TLDC2: variants seen among roughly 807,000 people sequenced by gnomAD.
TLDC2 encodes the protein TLD domain-containing protein 2.
Under a neutral mutation model 27.9 loss-of-function variants are expected in TLDC2, and 23 were observed. That is an observed-to-expected ratio of 0.82 (90% CI 0.59 to 1.17). TLDC2 has a LOEUF of 1.17. Ranked by LOEUF, TLDC2 falls within the 50% of genes most tolerant of loss-of-function variation. The pLI is 0.00. For missense variants in TLDC2, 286 were observed against 273.4 expected, an observed-to-expected ratio of 1.05 and a Z score of -0.32; for synonymous variants, 124 against 107.4, an observed-to-expected ratio of 1.16 and a Z score of -0.96.
At chr20:36,879,231 C>A in intron 3 of TLDC2, 38 bp downstream of exon 3, 1 of 1,590,356 alleles carries the variant, frequency 6.3e-7, no homozygotes, top group Non-Finnish European at 8.5e-7. Context: ...GCTCTGGGGG[C>A]ACCCCACCAG....
At chr20:36,887,615 G>GC in intron 5 of TLDC2, 87 bp downstream of exon 5, 2 of 1,300,012 alleles carry the variant, frequency 1.5e-6, no homozygotes, top group Non-Finnish European at 2.2e-6. Context: ...GGCTGCCCTT[G>GC]ATGCAATGGC....
chr20:36,879,151 C>T lies in TLDC2; in HGVS notation c.300C>T (p.Cys100=), dbSNP rs1287898268. The change falls in exon 3 of 7, where the codon TGC becomes TGT. Residue 100 remains cysteine, a synonymous_variant. Coordinates refer to ENST00000217320, the MANE Select transcript of TLDC2 (RefSeq NM_080628.3). ...LQSLYRRMEG[C]SGPVLLVLRD... ...GCCTGTACCGGCGGATGGAGGGCTGCAGCGGGCCAGTGCTGCTGGTGCTCA... is the reference window on the plus strand; with the variant it reads ...GCCTGTACCGGCGGATGGAGGGCTGTAGCGGGCCAGTGCTGCTGGTGCTCA... 6.2e-7 allele frequency: 1 copy of T among 1,614,026 alleles called. No homozygotes were observed. The highest frequency in any genetic ancestry group is 1.1e-5 in the South Asian group (1 of 91,082).
chr20:36,890,486 CAG>C (rs1471867946), intron 6 of TLDC2: 2 of 147,604 alleles, frequency 1.4e-5, no homozygotes, highest in South Asian at 2.2e-4. Context: ...TTGTTTGAGA[CAG>C]AGTTTCGCTC....
chr20:36,893,413 A>T lies in TLDC2; in HGVS notation c.*569A>T, dbSNP rs1157461954. ...GAAAGACGGGATGCACTGAACCCCT[A>T]GCTTCTCTCTCGCCTGGTCCCCTCT... On this transcript the variant is annotated 3_prime_UTR_variant, in exon 7 of 7. Transcript: ENST00000217320. 4 of 379,852 alleles carry T rather than the reference A, an allele frequency of 1.1e-5. No individual in the cohort carries two copies. Among genetic ancestry groups the T allele is most frequent in the Non-Finnish European group, 1.9e-5 (4 of 206,086 alleles). The allele number at this position is 379,852 out of a possible 1,614,324, so 23.5% of individuals were successfully genotyped here. A position where few individuals can be genotyped will look rare whatever the true frequency, so the allele number is the denominator to read the frequency against.
At chr20:36,885,563 G>T (rs1989904633) in intron 4 of TLDC2, among the ~76,000 whole-genome samples, 1 of 152,132 alleles carries the variant, frequency 6.6e-6, no homozygotes, top group South Asian at 2.1e-4. Context: ...CGAGAAAGTA[G>T]AGGAGGACTT....
rs542392781 is a variant in TLDC2 at position 36,878,945 on chromosome 20, T to C, written c.190-96T>C. On this transcript the variant is annotated intron_variant, in intron 2 of 6. Coordinates refer to ENST00000217320, the MANE Select transcript of TLDC2 (RefSeq NM_080628.3). ...AACTGCTCTATCGCCTGTAAAGCAC[T>C]GTGCTGGATGCATGCTAGCTGTCCA... The C allele has an allele frequency of 3.0e-5, 47 of 1,578,714 alleles. 1 individual carries two copies. The Admixed American group carries it at 7.1e-4, about 24-fold the overall frequency.
At position 36,877,921 on chromosome 20, in the gene TLDC2, T is replaced by G. The variant is rs1989709658; in HGVS notation, c.56T>G (p.Leu19Arg). 1.2e-6 allele frequency: 2 copies of G among 1,613,538 alleles called. No individual in the cohort carries two copies. The highest frequency in any genetic ancestry group is 1.7e-6 in the Non-Finnish European group (2 of 1,179,866). The change falls in exon 2 of 7, where the codon CTG becomes CGG. Residue 19 changes from leucine to arginine, a missense_variant. Coordinates refer to ENST00000217320, the MANE Select transcript of TLDC2 (RefSeq NM_080628.3). Reference sequence around the variant, plus strand: ...CAGCCCAGCCAGGTGGAGGACACCCTGTCTGGGGAGGAGGGTAACGAAGAG... The same window carrying G: ...CAGCCCAGCCAGGTGGAGGACACCCGGTCTGGGGAGGAGGGTAACGAAGAG... ...TRLPSQVEDT[L>R]SGEEGNEEEE...
chr20:36,887,321 A>T, intron 4 of TLDC2, 134 bp from the exon 5 acceptor site: 1 of 753,336 alleles, frequency 1.3e-6, no homozygotes, highest in Non-Finnish European at 2.4e-6. Context: ...CTGAGCCCGG[A>T]GTCCCACCTG....
At position 36,889,397 on chromosome 20, in the gene TLDC2, G is replaced by A. The variant is rs1990005199; in HGVS notation, c.*11G>A. 6.2e-7 allele frequency: 1 copy of A among 1,612,650 alleles called. No homozygotes were observed. Among genetic ancestry groups the A allele is most frequent in the African/African-American group, 1.3e-5 (1 of 74,918 alleles). The stretch of plus-strand genomic sequence containing the variant: ...TGGCTTCTCAGCTGACAGCCCTGCG[G>A]CAACAGGTACTCAGCCCTGCTCATG... On this transcript the variant is annotated 3_prime_UTR_variant, in exon 6 of 7. Transcript: ENST00000217320.
intron 4 of TLDC2, among the ~76,000 whole-genome samples, chr20:36,886,748 C>A (rs35915710): frequency 0.17 from 25,671 of 152,120 alleles, 2,319 homozygotes; most frequent in Middle Eastern, 0.23. Flanking sequence ...TGCACACCAT[C>A]ACACCTAGCT....
At chr20:36,888,036 C>T (rs1252203703) in intron 5 of TLDC2, among the ~76,000 whole-genome samples, 2 of 152,128 alleles carry the variant, frequency 1.3e-5, no homozygotes, top group Non-Finnish European at 2.9e-5. Context: ...AAATTCTTTG[C>T]TCTCCCAACT....
chr20:36,889,666 A>T (rs1311591265), intron 6 of TLDC2: 2 of 301,950 alleles, frequency 6.6e-6, no homozygotes, highest in East Asian at 6.0e-5. Flanking sequence ...AGAAAAATCC[A>T]CATCTCTTCC....
At position 36,893,406 on chromosome 20, in the gene TLDC2, A is replaced by G; in HGVS notation, c.*562A>G. On this transcript the variant is annotated 3_prime_UTR_variant, in exon 7 of 7. Coordinates refer to ENST00000217320, the MANE Select transcript of TLDC2 (RefSeq NM_080628.3). Reference sequence around the variant, plus strand: ...CCCAGGAGAAAGACGGGATGCACTGAACCCCTAGCTTCTCTCTCGCCTGGT... The same window carrying G: ...CCCAGGAGAAAGACGGGATGCACTGGACCCCTAGCTTCTCTCTCGCCTGGT... The G allele has an allele frequency of 2.5e-6, 1 of 394,142 alleles. No homozygotes were observed. The highest frequency in any genetic ancestry group is 2.8e-5 in the South Asian group (1 of 35,366). The allele number at this position is 394,142 out of a possible 1,614,324, so 24.4% of individuals were successfully genotyped here.
chr20:36,876,266 T>G, intron 1 of TLDC2, 59 bp downstream of exon 1: 2 of 1,609,844 alleles, frequency 1.2e-6, no homozygotes, highest in Non-Finnish European at 1.7e-6. Context: ...GTGAGGTCTC[T>G]GGCAGGGTGG....
intron 3 of TLDC2, 75 bp from the exon 4 acceptor site, chr20:36,880,580 T>C: frequency 1.5e-6 from 2 of 1,315,828 alleles, no homozygotes; most frequent in Non-Finnish European, 2.2e-6. Context: ...CCTGTATTAC[T>C]AAACCTGAAG....
chr20:36,881,701 C>T (rs772549779), intron 4 of TLDC2, among the ~76,000 whole-genome samples: 26 of 151,898 alleles, frequency 1.7e-4, no homozygotes, highest in East Asian at 1.6e-3. Context: ...ACATGGACAA[C>T]GGAACCTAAA....
rs966345538 is a variant in TLDC2 at position 36,883,049 on chromosome 20, T to C, written c.438+2299T>C. ...CATTCCCACAGCTCTCCATGCTGCC[T>C]GTATGCTGAGGGTCTCTTCCCTGGA... On this transcript the variant is annotated intron_variant, in intron 4 of 6. Transcript: ENST00000217320. Among the ~76,000 whole-genome samples the C allele has an allele frequency of 2.6e-5, 4 of 152,274 alleles. No homozygotes were observed. In the East Asian group the frequency reaches 7.7e-4, roughly 29 times the overall value.
chr20:36,886,685 C>T (rs1989929274), intron 4 of TLDC2, among the ~76,000 whole-genome samples: 1 of 152,126 alleles, frequency 6.6e-6, no homozygotes, highest in Admixed American at 6.6e-5. Flanking sequence ...GAGGAAACTC[C>T]TGGCCTCAAG....
chr20:36,887,061 G>T (rs1989935746), intron 4 of TLDC2, among the ~76,000 whole-genome samples: 1 of 152,114 alleles, frequency 6.6e-6, no homozygotes, highest in South Asian at 2.1e-4. Context: ...GCTTGTTGAT[G>T]AGCTGGATGT....
Sources: allele counts gnomAD v4.1 joint callset (sites outside exome capture counted in the v4.1 genomes callset), GRCh38; gene constraint gnomAD v4.1.1; transcripts MANE v1.5; gene names NCBI Gene and HGNC (gene_info 2026-07-23, HGNC 2026-07-21).